Variants in GLYATL1 observed in about 807,000 individuals in gnomAD.
GLYATL1 encodes the protein glycine-N-acyltransferase like 1.
GLYATL1 carries 15 observed loss-of-function variants against 20.0 expected under a neutral mutation model. The ratio of observed to expected loss-of-function variants is 0.75; its 90% CI spans 0.50 to 1.15. The LOEUF is 1.15. Ranked by LOEUF, GLYATL1 falls within the 50% of genes most tolerant of loss-of-function variation. The pLI is 0.00. For synonymous variants in GLYATL1, 151 were observed against 131.5 expected (o/e 1.15, Z -1.01); for missense variants, 380 against 368.5 (o/e 1.03, Z -0.26).
intron 1 of GLYATL1, among the ~76,000 whole-genome samples, chr11:58,941,135 ACC>A (rs1856109847): frequency 6.6e-6 from 1 of 150,852 alleles, no homozygotes; most frequent in East Asian, 2.0e-4. Context: ...GGTGTGCTGC[ACC>A]CATTAACTCG....
At chr11:58,921,613 T>C (rs1855310576) in intron 1 of GLYATL1, among the ~76,000 whole-genome samples, 1 of 152,224 alleles carries the variant, frequency 6.6e-6, no homozygotes, top group African/African-American at 2.4e-5. Context: ...TCTTTAGCCT[T>C]GGCCGGCTCT....
chr11:58,929,689 G>A (rs1315329992), intron 1 of GLYATL1, among the ~76,000 whole-genome samples: 4 of 152,086 alleles, frequency 2.6e-5, no homozygotes, highest in Admixed American at 2.6e-4. Context: ...TTAGTTAGCT[G>A]GTTTCTCAGA....
intron 4 of GLYATL1, among the ~76,000 whole-genome samples, chr11:58,953,961 C>G (rs1035883153): frequency 1.5e-4 from 23 of 152,122 alleles, no homozygotes; most frequent in African/African-American, 5.3e-4. Flanking sequence ...TCTTTCAAAC[C>G]CAAGAGTCTA....
downstream of GLYATL1, among the ~76,000 whole-genome samples, chr11:58,910,858 G>A (rs1476859072): frequency 6.6e-6 from 1 of 152,084 alleles, no homozygotes; most frequent in Non-Finnish European, 1.5e-5. Context: ...CAGTTCAATG[G>A]CTTATGACAA....
intron 1 of GLYATL1, among the ~76,000 whole-genome samples, chr11:58,929,581 C>T (rs556904770): frequency 2.2e-4 from 34 of 152,230 alleles, no homozygotes; most frequent in African/African-American, 7.5e-4. Flanking sequence ...GTATTGTACT[C>T]AATGCCCCCC....
rs772079365 is a variant in GLYATL1, at chr11:58,954,794, T to C, written c.211T>C (p.Tyr71His). Residue 71 changes from tyrosine (Y) to histidine (H), a missense_variant, in exon 5 of 7, where the codon TAC (tyrosine) becomes CAC (histidine). By Grantham distance (83) the Tyr-to-His change is moderately conservative. Coordinates refer to ENST00000532726, the MANE Select transcript of GLYATL1 (RefSeq NM_001389712.2). ...GGAGATGACTGATGACATGGATTCA[T>C]ACACAAACGTATATCGTATGTTCTC... is the stretch of plus-strand genomic sequence containing the variant. ...KQEMTDDMDS[Y>H]TNVYRMFSKE... is the part of the protein sequence containing the mutation. 9 of 1,607,508 alleles carry C rather than the reference T, an allele frequency of 5.6e-6. No individual in the cohort carries two copies. The highest frequency in any genetic ancestry group is 6.8e-6 in the Non-Finnish European group (8 of 1,178,012).
At chr11:58,920,587 A>G (rs2135112956) in intron 1 of GLYATL1, among the ~76,000 whole-genome samples, 1 of 152,252 alleles carries the variant, frequency 6.6e-6, no homozygotes, top group South Asian at 2.1e-4. Flanking sequence ...GCTTGAGAAC[A>G]CTTAATCTAC....
chr11:58,955,508 T>C (rs1211943717), intron 6 of GLYATL1, 102 bp from the exon 7 acceptor site: 1 of 1,415,200 alleles, frequency 7.1e-7, no homozygotes, highest in East Asian at 2.3e-5. Context: ...CAATGGTGAG[T>C]CTTTAAACAA....
At position 58,947,910 on chromosome 11, in the gene GLYATL1, TG is replaced by T; in HGVS notation, c.132del (p.Leu45TrpfsTer20). On this transcript the variant is annotated frameshift_variant, in exon 4 of 7. Transcript: ENST00000532726. LOFTEE classifies it high-confidence loss of function. ...INHGNPFNME[V>X]LVDSWPEYQM... is the part of the protein sequence containing the mutation. ...CACGGGAACCCCTTCAACATGGAGG[TG>T]CTGGTGGATTCCTGGCCTGAATATC... 6.2e-7 allele frequency: 1 copy of T among 1,613,846 alleles called. No homozygotes were observed. The highest frequency in any genetic ancestry group is 1.6e-4 in the Middle Eastern group (1 of 6,062).
chr11:58,945,554 A>C (rs1856508668), intron 2 of GLYATL1, among the ~76,000 whole-genome samples: 1 of 152,206 alleles, frequency 6.6e-6, no homozygotes, highest in African/African-American at 2.4e-5. Flanking sequence ...CAAATGGAAC[A>C]CAAGTTTTTT....
chr11:58,947,603 G>A (rs1029177679), intron 3 of GLYATL1: 1 of 515,266 alleles, frequency 1.9e-6, no homozygotes, highest in South Asian at 2.5e-5. Flanking sequence ...AATGCTAAGA[G>A]CATTGCCAAG....
At chr11:58,936,438 A>G (rs1295609045), upstream of GLYATL1, among the ~76,000 whole-genome samples, 1 of 152,252 alleles carries the variant, frequency 6.6e-6, no homozygotes, top group East Asian at 1.9e-4. Context: ...GACAATCTCT[A>G]CTAAACCTCC....
chr11:58,917,761 T>C (rs1417034363), intron 1 of GLYATL1, among the ~76,000 whole-genome samples: 1 of 152,214 alleles, frequency 6.6e-6, no homozygotes, highest in Non-Finnish European at 1.5e-5. Flanking sequence ...ATAAGTTTAC[T>C]CATATCATGG....
Position 58,955,789 on chromosome 11 carries a change from A to T in GLYATL1, c.671A>T (p.Asp224Val), listed in dbSNP as rs758324113. 1 of 1,614,130 alleles carries T rather than the reference A, an allele frequency of 6.2e-7. No homozygotes were observed. Among genetic ancestry groups the T allele is most frequent in the Non-Finnish European group, 8.5e-7 (1 of 1,180,016 alleles). Residue 224 changes from aspartate (D) to valine (V), a missense_variant, in exon 7 of 7, where the codon GAC (aspartate) becomes GTC (valine). Transcript: ENST00000532726. Reference protein sequence around the residue: ...EGVPVSWVTMDPSCEVGMAYS... With the variant: ...EGVPVSWVTMVPSCEVGMAYS... The stretch of plus-strand genomic sequence containing the variant: ...GTCCCGGTCTCATGGGTAACCATGG[A>T]CCCTTCTTGTGAAGTAGGAATGGCC...
chr11:58,915,693 A>C (rs943722002), intron 1 of GLYATL1, among the ~76,000 whole-genome samples: 4 of 152,248 alleles, frequency 2.6e-5, no homozygotes, highest in African/African-American at 9.6e-5. Context: ...GCAAGAACTC[A>C]GACACCGATT....
upstream of GLYATL1, among the ~76,000 whole-genome samples, chr11:58,938,282 G>A (rs140351152): frequency 4.3e-4 from 66 of 152,184 alleles, no homozygotes; most frequent in African/African-American, 1.3e-3. Flanking sequence ...TTTGAAAGTG[G>A]GGCCATGCCT....
intron 1 of GLYATL1, among the ~76,000 whole-genome samples, chr11:58,919,166 A>G (rs573690360): frequency 6.6e-6 from 1 of 152,368 alleles, no homozygotes; most frequent in East Asian, 1.9e-4. Flanking sequence ...TACTTTTGGC[A>G]TGGCCATACC....
At position 58,952,436 on chromosome 11, in the gene GLYATL1, C is replaced by T. The variant is rs117295698; in HGVS notation, c.187-2334C>T. Reference sequence around the variant, plus strand: ...AACTCTCTTTTTGTTATTTCCTTACCAGATTTGGCATTAGGATCTTTTCAT... The same window carrying T: ...AACTCTCTTTTTGTTATTTCCTTACTAGATTTGGCATTAGGATCTTTTCAT... On this transcript the variant is annotated intron_variant, in intron 4 of 6. Transcript: ENST00000532726. Among the ~76,000 whole-genome samples, 1,256 of 152,206 alleles carry T rather than the reference C, an allele frequency of 8.3e-3. 7 individuals are homozygous for T. The highest frequency in any genetic ancestry group is 0.027 in the Middle Eastern group (8 of 294).
intron 1 of GLYATL1, among the ~76,000 whole-genome samples, chr11:58,932,425 T>G (rs1322815327): frequency 6.6e-6 from 1 of 152,244 alleles, no homozygotes; most frequent in Non-Finnish European, 1.5e-5. Context: ...CTTGTTCTAC[T>G]ATTGCCTCAT....
Sources: gnomAD v4.1 joint callset for allele counts (sites outside exome capture counted in the v4.1 genomes callset) on GRCh38, gnomAD v4.1.1 for gene constraint, MANE v1.5 for transcripts, NCBI Gene and HGNC (gene_info 2026-07-23, HGNC 2026-07-21) for gene names.